The following IL1RAPL2 variants were observed in gnomAD, a reference collection of about 807,000 sequenced individuals.
The protein encoded by IL1RAPL2 is interleukin 1 receptor accessory protein like 2.
IL1RAPL2 carries 3 observed loss-of-function variants against 44.1 expected under a neutral mutation model. The observed-to-expected ratio is 0.07, with a 90% CI of 0.03 to 0.18. The LOEUF is 0.18. Ranked by LOEUF, IL1RAPL2 falls within the 10% of genes least tolerant of loss-of-function variation. IL1RAPL2 has a pLI of 1.00. For missense variants in IL1RAPL2, 391 were observed against 496.4 expected (o/e 0.79, Z 2.02); for synonymous variants, 181 against 178.8 (o/e 1.01, Z -0.10).
rs554903316 is a variant in IL1RAPL2, at chrX:105,639,005, G to A, written c.773-78362G>A. On this transcript the variant is annotated intron_variant, in intron 6 of 10. Coordinates refer to ENST00000372582, the MANE Select transcript of IL1RAPL2 (RefSeq NM_017416.2). ...AAATCTTAACTGGCACATAGAATGT[G>A]TAATAATTTAGCCATAGAGGAACTC... Among the ~76,000 whole-genome samples, 3 of 111,948 alleles carry A rather than the reference G, an allele frequency of 2.7e-5. No homozygotes were observed. The South Asian group carries it at 1.1e-3, about 42-fold the overall frequency.
chrX:104,918,052 TA>T (rs1316785077), intron 2 of IL1RAPL2, among the ~76,000 whole-genome samples: 1 of 112,315 alleles, frequency 8.9e-6, no homozygotes, highest in Non-Finnish European at 1.9e-5. Context: ...TAACGTTTGT[TA>T]AAAGTCCAAT....
At chrX:105,410,411 A>G (rs1415353542) in intron 5 of IL1RAPL2, among the ~76,000 whole-genome samples, 2 of 109,895 alleles carry the variant, frequency 1.8e-5, no homozygotes, top group Non-Finnish European at 3.8e-5. Flanking sequence ...ACTATGCCAA[A>G]TGTTACTGAG....
chrX:104,919,688 C>T (rs1242744058), intron 2 of IL1RAPL2, among the ~76,000 whole-genome samples: 1 of 58,279 alleles, frequency 1.7e-5, no homozygotes, highest in Non-Finnish European at 3.3e-5. Context: ...TCTGCAACCA[C>T]ACCCACTTTT....
At chrX:105,626,854 AT>A (rs1385478831) in intron 6 of IL1RAPL2, among the ~76,000 whole-genome samples, 2 of 111,679 alleles carry the variant, frequency 1.8e-5, no homozygotes, top group African/African-American at 6.5e-5. Flanking sequence ...TTGGCCTAGC[AT>A]TTCTCCAACT....
At chrX:104,740,685 T>A (rs939341919) in intron 2 of IL1RAPL2, among the ~76,000 whole-genome samples, 6 of 111,555 alleles carry the variant, frequency 5.4e-5, no homozygotes, top group African/African-American at 1.9e-4. Context: ...TACGTTTGAT[T>A]GGCCTTGGCT....
intron 3 of IL1RAPL2, among the ~76,000 whole-genome samples, chrX:105,211,849 C>CGTCA (rs1400549226): frequency 3.6e-5 from 4 of 111,502 alleles, no homozygotes; most frequent in Non-Finnish European, 7.5e-5. Flanking sequence ...CAGGGTGAGG[C>CGTCA]GTCACTTCAC....
At chrX:105,220,003 G>A in intron 3 of IL1RAPL2, 3 of 1,209,954 alleles carry the variant, frequency 2.5e-6, no homozygotes, top group Non-Finnish European at 3.4e-6. Flanking sequence ...GCTGGTCTGG[G>A]CCATTCTTAG....
At chrX:104,573,702 A>G (rs1412432663) in intron 1 of IL1RAPL2, among the ~76,000 whole-genome samples, 3 of 112,556 alleles carry the variant, frequency 2.7e-5, no homozygotes, top group Non-Finnish European at 3.8e-5. Context: ...AACTTGATCT[A>G]TCACGTATAA....
chrX:104,878,676 A>G (rs968225975), intron 2 of IL1RAPL2, among the ~76,000 whole-genome samples: 6 of 111,967 alleles, frequency 5.4e-5, no homozygotes, highest in Non-Finnish European at 9.4e-5. Flanking sequence ...GTTCTCCCAG[A>G]TATCTTTCCT....
At chrX:105,031,393 C>T (rs1258655867) in intron 2 of IL1RAPL2, among the ~76,000 whole-genome samples, 2 of 110,895 alleles carry the variant, frequency 1.8e-5, no homozygotes, top group Non-Finnish European at 3.8e-5. Context: ...TCATAGATAG[C>T]TCTTACTATT....
intron 5 of IL1RAPL2, among the ~76,000 whole-genome samples, chrX:105,482,011 G>A (rs1174697399): frequency 8.9e-6 from 1 of 112,181 alleles, no homozygotes; most frequent in Non-Finnish European, 1.9e-5. Flanking sequence ...ATATGCATAT[G>A]TATGTTTTAT....
chrX:105,536,509 C>T (rs1307647840), intron 6 of IL1RAPL2, among the ~76,000 whole-genome samples: 1 of 109,623 alleles, frequency 9.1e-6, no homozygotes, highest in East Asian at 2.8e-4. Flanking sequence ...ACTTCACCTT[C>T]GTAGCTTGAA....
intron 6 of IL1RAPL2, among the ~76,000 whole-genome samples, chrX:105,547,290 G>A (rs1160854603): frequency 8.9e-6 from 1 of 111,783 alleles, no homozygotes; most frequent in Non-Finnish European, 1.9e-5. Context: ...TAATACAAAG[G>A]GACTTGTTAG....
chrX:104,577,495 T>TATTA (rs757297906), intron 1 of IL1RAPL2, among the ~76,000 whole-genome samples: 1 of 111,715 alleles, frequency 9.0e-6, no homozygotes, highest in South Asian at 3.8e-4. Context: ...AAGGTGAAGA[T>TATTA]ATTAGTACAA....
intron 6 of IL1RAPL2, among the ~76,000 whole-genome samples, chrX:105,591,711 T>G (rs1490823595): frequency 8.9e-6 from 1 of 112,099 alleles, no homozygotes; most frequent in Non-Finnish European, 1.9e-5. Flanking sequence ...TTAATTTTCA[T>G]GTAAATTGTA....
chrX:105,522,172 A>G (rs961985096), intron 6 of IL1RAPL2, among the ~76,000 whole-genome samples: 1 of 112,108 alleles, frequency 8.9e-6, no homozygotes, highest in Non-Finnish European at 1.9e-5. Context: ...TATAGGCAGC[A>G]TTATCAAACT....
intron 2 of IL1RAPL2, among the ~76,000 whole-genome samples, chrX:105,145,480 A>T (rs2033171602): frequency 9.0e-6 from 1 of 111,507 alleles, no homozygotes; most frequent in African/African-American, 3.3e-5. Flanking sequence ...CAGAGTTGAG[A>T]TTATTTACTA....
intron 2 of IL1RAPL2, 123 bp from the exon 3 acceptor site, chrX:105,195,352 C>A: frequency 1.5e-6 from 1 of 649,140 alleles, no homozygotes; most frequent in Non-Finnish European, 2.5e-6. Flanking sequence ...CATAGGATTA[C>A]TGGGAAGATT....
At chrX:104,673,010 T>A (rs1208815665) in intron 2 of IL1RAPL2, among the ~76,000 whole-genome samples, 1 of 111,696 alleles carries the variant, frequency 9.0e-6, no homozygotes, top group Non-Finnish European at 1.9e-5. Context: ...CTTTGTCAGA[T>A]GAGTAGGTTG....
Sources: allele counts gnomAD v4.1 joint callset (sites outside exome capture counted in the v4.1 genomes callset), GRCh38; gene constraint gnomAD v4.1.1; transcripts MANE v1.5; gene names NCBI Gene and HGNC (gene_info 2026-07-23, HGNC 2026-07-21).